Variants in MAP2K7 observed in about 807,000 individuals in gnomAD.
MAP2K7 encodes the protein mitogen-activated protein kinase kinase 7.
A neutral mutation model predicts 47.7 loss-of-function variants in MAP2K7; 12 were observed. The ratio of observed to expected loss-of-function variants is 0.25; its 90% CI spans 0.16 to 0.41. MAP2K7 has a LOEUF of 0.41. Ranked by LOEUF, MAP2K7 falls within the 10% of genes least tolerant of loss-of-function variation. The probability of loss-of-function intolerance (pLI) is 1.00; values close to 1 mark genes in which losing one functional copy is unlikely to be tolerated. For synonymous variants in MAP2K7, 299 were observed against 243.0 expected, an observed-to-expected ratio of 1.23 and a Z score of -2.14; for missense variants, 415 against 600.3, an observed-to-expected ratio of 0.69 and a Z score of 3.23.
intron 8 of MAP2K7, 48 bp from the exon 9 acceptor site, chr19:7,911,388 G>A: frequency 6.2e-7 from 1 of 1,613,386 alleles, no homozygotes; most frequent in Non-Finnish European, 8.5e-7. Flanking sequence ...GGGGGACTCG[G>A]AGGGAGGAGA....
chr19:7,904,803 C>G (rs978488888), intron 1 of MAP2K7, among the ~76,000 whole-genome samples: 5 of 152,096 alleles, frequency 3.3e-5, no homozygotes, highest in African/African-American at 9.7e-5. Context: ...CACATCGACC[C>G]CCAGCCAGCC....
intron 1 of MAP2K7, chr19:7,906,047 C>T (rs1599620845): frequency 3.3e-6 from 2 of 613,464 alleles, no homozygotes; most frequent in East Asian, 2.7e-5. Context: ...CGTCCTCCCT[C>T]CTCCTCCCCC....
intron 1 of MAP2K7, among the ~76,000 whole-genome samples, chr19:7,909,153 G>A (rs1392048531): frequency 1.3e-5 from 2 of 152,342 alleles, no homozygotes; most frequent in Middle Eastern, 3.4e-3. Flanking sequence ...CTGCAGGCCA[G>A]GCCAGGAGGC....
rs1316040385 is a variant in MAP2K7 at position 7,909,749 on chromosome 19, C to T, written c.125-6C>T. 158 of 1,538,774 alleles carry T rather than the reference C, an allele frequency of 1.0e-4. 1 individual carries two copies. Among genetic ancestry groups the T allele is most frequent in the African/African-American group, 1.2e-4 (9 of 72,878 alleles). ...CCCTCCCTGCCACTGGTTCTCACCC[C>T]CCTAGCCCTGCAGCTCCCGCTGGCC... On this transcript the variant is annotated splice_region_variant and splice_polypyrimidine_tract_variant and intron_variant, in intron 1 of 10. Transcript: ENST00000397979.
chr19:7,913,522 G>A lies in MAP2K7; in HGVS notation c.*1091G>A, dbSNP rs4804835. ...ACAAGCTCCAGCAGGGGTGGGGGCC[G>A]GGCTGAGGGTGGGGGTGCGAGGTGG... On this transcript the variant is annotated 3_prime_UTR_variant, in exon 11 of 11. Transcript: ENST00000397979. 24,618 of 151,542 alleles carry A rather than the reference G, an allele frequency of 0.16. 2,640 individuals are homozygous for A. Among genetic ancestry groups the A allele is most frequent in the Middle Eastern group, 0.23 (69 of 294 alleles). 9.4% of individuals were successfully genotyped at this position (151,542 alleles called of 1,614,324 possible). A position where few individuals can be genotyped will look rare whatever the true frequency, so the allele number is the denominator to read the frequency against.
intron 1 of MAP2K7, chr19:7,906,038 G>A (rs1023472294): frequency 2.2e-5 from 14 of 632,452 alleles, no homozygotes; most frequent in Admixed American, 1.3e-4. Context: ...CCTCCTCTGC[G>A]TCCTCCCTCC....
rs769642939 is a variant in MAP2K7 at position 7,911,304 on chromosome 19, G to A, written c.910G>A (p.Asp304Asn). 5 of 1,613,248 alleles carry A rather than the reference G, an allele frequency of 3.1e-6. No homozygotes were observed. Among genetic ancestry groups the A allele is most frequent in the Non-Finnish European group, 2.5e-6 (3 of 1,179,994 alleles). ...PTKPDYDIRA[D>N]VWSLGISLVE... ...CAAGCCGGACTATGACATCCGGGCC[G>A]ACGTATGGAGCCTGGGCATCTCGTT... Residue 304 changes from aspartate to asparagine, a missense_variant, in exon 8 of 11, where the codon GAC becomes AAC. Transcript: ENST00000397979.
chr19:7,910,030 C>T, intron 2 of MAP2K7, 33 bp from the exon 3 acceptor site: 1 of 1,571,254 alleles, frequency 6.4e-7, no homozygotes, highest in Non-Finnish European at 8.6e-7. Flanking sequence ...AGGTCAGGAC[C>T]CACCTCCACC....
Position 7,906,329 on chromosome 19 carries a change from T to C in MAP2K7, c.124+2261T>C, listed in dbSNP as rs538430004. The C allele has an allele frequency of 1.3e-4, 21 of 158,222 alleles. No homozygotes were observed. The South Asian group carries it at 3.7e-3, about 28-fold the overall frequency. The allele number at this position is 158,222 out of a possible 1,614,324, so 9.8% of individuals were successfully genotyped here. A position where few individuals can be genotyped will look rare whatever the true frequency, so the allele number is the denominator to read the frequency against. ...GAACAGATGGAGCCCCTCTCCTCTG[T>C]AGCGGGGGGCTGCAATAGGGGGGCC... On this transcript the variant is annotated intron_variant, in intron 1 of 10. Transcript: ENST00000397979.
intron 1 of MAP2K7, among the ~76,000 whole-genome samples, chr19:7,909,327 C>T (rs1982662244): frequency 6.6e-6 from 1 of 152,244 alleles, no homozygotes. Context: ...GAGCCACAGC[C>T]TGGGCCAGCC....
At chr19:7,905,815 G>T in intron 1 of MAP2K7, 1 of 1,606,478 alleles carries the variant, frequency 6.2e-7, no homozygotes, top group South Asian at 1.1e-5. Context: ...CAGTTATTGT[G>T]ATCACTCTAA....
In MAP2K7 at chr19:7,905,944, A is replaced by G. The variant is rs1982422862; in HGVS notation, c.124+1876A>G. ...CGCAGAATGGCGTCCCCCAGCCCCCATGCTCTGTGTGTGTCCCCATGTCCC... is the reference window on the plus strand; with the variant it reads ...CGCAGAATGGCGTCCCCCAGCCCCCGTGCTCTGTGTGTGTCCCCATGTCCC... On this transcript the variant is annotated intron_variant, in intron 1 of 10. Coordinates refer to ENST00000397979, the MANE Select transcript of MAP2K7 (RefSeq NM_145185.4). The G allele has an allele frequency of 7.0e-6, 8 of 1,140,004 alleles. No individual in the cohort carries two copies. In the South Asian group the frequency reaches 9.8e-5, roughly 14 times the overall value. 70.6% of individuals were successfully genotyped at this position (1,140,004 alleles called of 1,614,324 possible). A position where few individuals can be genotyped will look rare whatever the true frequency, so the allele number is the denominator to read the frequency against.
chr19:7,910,189 G>A, intron 3 of MAP2K7, 60 bp downstream of exon 3: 1 of 1,597,970 alleles, frequency 6.3e-7, no homozygotes, highest in South Asian at 1.1e-5. Context: ...ACCCATCCTG[G>A]GAGCGCCAGT....
intron 6 of MAP2K7, 79 bp downstream of exon 6, chr19:7,910,882 A>G: frequency 2.0e-5 from 31 of 1,588,778 alleles, no homozygotes; most frequent in Non-Finnish European, 2.6e-5. Flanking sequence ...ACTGGGCAAG[A>G]TGACAGTGGC....
intron 1 of MAP2K7, among the ~76,000 whole-genome samples, chr19:7,907,815 G>A (rs1181774310): frequency 6.6e-6 from 1 of 152,144 alleles, no homozygotes; most frequent in African/African-American, 2.4e-5. Flanking sequence ...TCTGAGGGCG[G>A]GAACTAGGCA....
rs1452866308 is a variant in MAP2K7 at position 7,904,191 on chromosome 19, C to G, written c.124+123C>G. ...GGGCGCTCGCTCTCCTCTCCGCCCC[C>G]CCCGCTGCGGGCTCGCGGGGCGAGG... On this transcript the variant is annotated intron_variant, in intron 1 of 10. Transcript: ENST00000397979. The G allele has an allele frequency of 4.9e-6, 4 of 814,774 alleles. No homozygotes were observed. The African/African-American group carries it at 5.5e-5, about 11-fold the overall frequency. 50.5% of individuals were successfully genotyped at this position (814,774 alleles called of 1,614,324 possible).
intron 7 of MAP2K7, 24 bp from the exon 8 acceptor site, chr19:7,911,225 AC>A: frequency 6.2e-7 from 1 of 1,606,706 alleles, no homozygotes; most frequent in Non-Finnish European, 8.5e-7. Context: ...CCTTGGAGAT[AC>A]GTCTTCTCCT....
Position 7,911,244 on chromosome 19 carries a change from C to A in MAP2K7, c.856-6C>A, listed in dbSNP as rs888575398. On this transcript the variant is annotated splice_polypyrimidine_tract_variant and splice_region_variant and intron_variant, in intron 7 of 10. Transcript: ENST00000397979. The stretch of plus-strand genomic sequence containing the variant: ...GGAGATACGTCTTCTCCTCCCCCCC[C>A]TGCAGCCCGAGCGCATTGACCCCCC... The A allele has an allele frequency of 3.1e-6, 5 of 1,611,392 alleles. No homozygotes were observed. Among genetic ancestry groups the A allele is most frequent in the Admixed American group, 3.3e-5 (2 of 59,940 alleles).
chr19:7,911,212 C>T lies in MAP2K7; in HGVS notation c.856-38C>T, dbSNP rs760517486. 1.2e-5 allele frequency: 19 copies of T among 1,608,814 alleles called. No individual in the cohort carries two copies. The East Asian group carries it at 3.3e-4, about 28-fold the overall frequency. On this transcript the variant is annotated intron_variant, in intron 7 of 10. Coordinates refer to ENST00000397979, the MANE Select transcript of MAP2K7 (RefSeq NM_145185.4). The stretch of plus-strand genomic sequence containing the variant: ...GGGGTGGGGGCTGGGAGGCCGGCCC[C>T]AGCCTTGGAGATACGTCTTCTCCTC...
Sources: gnomAD v4.1 joint callset for allele counts (sites outside exome capture counted in the v4.1 genomes callset) on GRCh38, gnomAD v4.1.1 for gene constraint, MANE v1.5 for transcripts, NCBI Gene and HGNC (gene_info 2026-07-23, HGNC 2026-07-21) for gene names.